The following RPH3A variants were observed in gnomAD, a reference collection of about 807,000 sequenced individuals.
The protein encoded by RPH3A is rabphilin-3A.
Under a neutral mutation model 102.2 loss-of-function variants are expected in RPH3A, and 48 were observed. The observed-to-expected ratio is 0.47, with a 90% CI of 0.37 to 0.60. The LOEUF is 0.60. Ranked by LOEUF, RPH3A falls within the 20% of genes least tolerant of loss-of-function variation. RPH3A has a pLI of 0.00. For synonymous variants in RPH3A, 310 were observed against 324.3 expected (o/e 0.96, Z 0.47); for missense variants, 781 against 910.1 (o/e 0.86, Z 1.83).
intron 1 of RPH3A, among the ~76,000 whole-genome samples, chr12:112,600,736 A>C (rs1034458661): frequency 1.3e-5 from 2 of 152,086 alleles, no homozygotes; most frequent in Non-Finnish European, 2.9e-5. Flanking sequence ...TTCCAAAGTC[A>C]TTTCCACATT....
At chr12:112,770,459 T>A (rs1414505849) in intron 1 of RPH3A, among the ~76,000 whole-genome samples, 3 of 152,030 alleles carry the variant, frequency 2.0e-5, no homozygotes, top group Non-Finnish European at 4.4e-5. Flanking sequence ...GATCTTCCCA[T>A]CTCAGCCTCC....
In RPH3A at chr12:112,881,165, G is replaced by T. The variant is rs73429082; in HGVS notation, c.1252-607G>T. On this transcript the variant is annotated intron_variant, in intron 14 of 21. Coordinates refer to ENST00000389385, the MANE Select transcript of RPH3A (RefSeq NM_001143854.2). ...TGAATGTAGGGGATGGACAGAGTAT[G>T]TCTAAGCCCCAGGAATTTGGGGATT... 4.2e-3 allele frequency among the ~76,000 whole-genome samples: 635 copies of T among 152,316 alleles called. 5 individuals are homozygous for T. Among genetic ancestry groups the T allele is most frequent in the African/African-American group, 0.015 (625 of 41,568 alleles).
rs187807112 is a variant in RPH3A at position 112,840,381 on chromosome 12, A to C, written c.83+3879A>C. On this transcript the variant is annotated intron_variant, in intron 4 of 21. Transcript: ENST00000389385. ...TTGAAATATACAATAAAATATTGTTAATTGTAGTCATCCTATTCATTGTGC... is the reference window on the plus strand; with the variant it reads ...TTGAAATATACAATAAAATATTGTTCATTGTAGTCATCCTATTCATTGTGC... Among the ~76,000 whole-genome samples, 17 of 152,282 alleles carry C rather than the reference A, an allele frequency of 1.1e-4. No individual in the cohort carries two copies. The East Asian group carries it at 3.3e-3, about 29-fold the overall frequency.
chr12:112,753,368 C>T (rs1323160895), intron 1 of RPH3A, among the ~76,000 whole-genome samples: 1 of 152,172 alleles, frequency 6.6e-6, no homozygotes, highest in Non-Finnish European at 1.5e-5. Flanking sequence ...GTGCTGGGCT[C>T]TTCTGGGCTA....
rs1473391673 is a variant in RPH3A, at chr12:112,896,778, T to C, written c.2083T>C (p.Ter695GlnextTer18). The stretch of plus-strand genomic sequence containing the variant: ...GAATGAGAACCACGTGTCAAGTGAT[T>C]AGGCTAGTGCCCAGGTCCCCATCTC... The part of the protein sequence containing the change: ...LQNENHVSSD[*>Q] Residue 695 changes from the stop codon to glutamine (Q), a stop_lost, in exon 22 of 22, where the codon TAG becomes CAG. Coordinates refer to ENST00000389385, the MANE Select transcript of RPH3A (RefSeq NM_001143854.2). 2 of 1,613,958 alleles carry C rather than the reference T, an allele frequency of 1.2e-6. No homozygotes were observed. Among genetic ancestry groups the C allele is most frequent in the East Asian group, 4.5e-5 (2 of 44,878 alleles).
intron 1 of RPH3A, among the ~76,000 whole-genome samples, chr12:112,770,324 G>GTTTC (rs1386351476): frequency 6.8e-6 from 1 of 148,114 alleles, no homozygotes; most frequent in East Asian, 2.0e-4. Context: ...ATTTCTTTTT[G>GTTTC]TTTCTTTCTT....
At chr12:112,720,618 C>T (rs2040544171) in intron 1 of RPH3A, among the ~76,000 whole-genome samples, 1 of 152,166 alleles carries the variant, frequency 6.6e-6, no homozygotes. Flanking sequence ...TGCAGGTTGG[C>T]TGGAGTGATT....
intron 2 of RPH3A, among the ~76,000 whole-genome samples, chr12:112,811,687 G>A (rs935281799): frequency 2.0e-5 from 3 of 152,194 alleles, no homozygotes; most frequent in African/African-American, 2.4e-5. Flanking sequence ...AAAGGGTCAC[G>A]GGTATTGATT....
At chr12:112,588,341 C>T (rs561608107) in intron 1 of RPH3A, among the ~76,000 whole-genome samples, 1 of 152,220 alleles carries the variant, frequency 6.6e-6, no homozygotes, top group South Asian at 2.1e-4. Flanking sequence ...GGAGAGGCCT[C>T]ACAATCATGG....
At chr12:112,828,423 T>C in intron 3 of RPH3A, 34 bp downstream of exon 3, 1 of 1,505,666 alleles carries the variant, frequency 6.6e-7, no homozygotes, top group Non-Finnish European at 9.1e-7. Context: ...AGTGGCTTGT[T>C]TTGAGTCGAT....
rs773507762 is a variant in RPH3A at position 112,869,803 on chromosome 12, T to A, written c.649+6T>A. On this transcript the variant is annotated splice_donor_region_variant and intron_variant, in intron 9 of 21. Coordinates refer to ENST00000389385, the MANE Select transcript of RPH3A (RefSeq NM_001143854.2). ...GGGCCCGGGTCAGAAGACAGGTGGG[T>A]TCTGCTGACTCTGTTTTGTCATTTG... is the stretch of plus-strand genomic sequence containing the variant. 10 of 1,614,144 alleles carry A rather than the reference T, an allele frequency of 6.2e-6. No homozygotes were observed. In the East Asian group the frequency reaches 1.6e-4, roughly 25 times the overall value.
chr12:112,841,706 G>GTTTTTTTTTTTTTTTTTTTT (rs150878418), intron 4 of RPH3A, among the ~76,000 whole-genome samples: 1 of 145,066 alleles, frequency 6.9e-6, no homozygotes, highest in Non-Finnish European at 1.5e-5. Context: ...TTGTTTTTTT[G>GTTTTTTTTTTTTTTTTTTTT]GTTTTTTTTT....
At chr12:112,865,346 G>A in intron 5 of RPH3A, 68 bp from the exon 6 acceptor site, 1 of 1,573,572 alleles carries the variant, frequency 6.4e-7, no homozygotes, top group South Asian at 1.2e-5. Context: ...CTATCAACCT[G>A]ACACTGTGGG....
intron 1 of RPH3A, among the ~76,000 whole-genome samples, chr12:112,589,682 G>A (rs73193171): frequency 0.045 from 6,832 of 152,118 alleles, 210 homozygotes; most frequent in South Asian, 0.12. Context: ...TTGTTCATTC[G>A]TCTCTTGTCT....
chr12:112,772,739 A>T (rs1240778453), intron 1 of RPH3A, among the ~76,000 whole-genome samples: 1 of 151,988 alleles, frequency 6.6e-6, no homozygotes, highest in Admixed American at 6.6e-5. Context: ...TTTAATTTAT[A>T]TATATATTTT....
At chr12:112,694,683 CAGAGAG>C (rs60249683) in intron 1 of RPH3A, among the ~76,000 whole-genome samples, 3 of 103,222 alleles carry the variant, frequency 2.9e-5, no homozygotes, top group East Asian at 4.9e-4. Context: ...CACACACACA[CAGAGAG>C]AGAGAGAGAG....
intron 1 of RPH3A, among the ~76,000 whole-genome samples, chr12:112,705,634 AT>A (rs1243216760): frequency 1.1e-4 from 17 of 152,148 alleles, no homozygotes; most frequent in Admixed American, 3.3e-4. Context: ...TTAAAAATTA[AT>A]TTTTTTAATC....
intron 4 of RPH3A, among the ~76,000 whole-genome samples, chr12:112,836,738 T>C (rs558860371): frequency 9.8e-5 from 15 of 152,320 alleles, no homozygotes; most frequent in Non-Finnish European, 1.9e-4. Flanking sequence ...AAGATATTTC[T>C]TAGCCCTCAA....
intron 1 of RPH3A, among the ~76,000 whole-genome samples, chr12:112,719,634 G>A (rs1030923498): frequency 2.0e-5 from 3 of 151,858 alleles, no homozygotes; most frequent in Admixed American, 6.6e-5. Flanking sequence ...TTCAATAAAG[G>A]TTTGTGGAAT....
Sources: gnomAD v4.1 joint callset for allele counts (sites outside exome capture counted in the v4.1 genomes callset) on GRCh38, gnomAD v4.1.1 for gene constraint, MANE v1.5 for transcripts, NCBI Gene and HGNC (gene_info 2026-07-23, HGNC 2026-07-21) for gene names.